SYNPR: variants seen among roughly 807,000 people sequenced by gnomAD.
The protein encoded by SYNPR is synaptoporin.
SYNPR carries 23 observed loss-of-function variants against 32.9 expected under a neutral mutation model. That is an observed-to-expected ratio of 0.70 (90% CI 0.50 to 0.99). The LOEUF (loss-of-function observed/expected upper bound fraction) is 0.99, where lower values mean the gene tolerates loss of function less well. SYNPR is among the 50% of genes least tolerant of loss of function. The pLI, the probability that SYNPR is intolerant of heterozygous loss-of-function variation, is 0.00. For missense variants in SYNPR, 318 were observed against 349.3 expected, an observed-to-expected ratio of 0.91 and a Z score of 0.71; for synonymous variants, 146 against 135.9, an observed-to-expected ratio of 1.07 and a Z score of -0.52.
At chr3:63,222,610 A>G in the SYNPR span, among the ~76,000 whole-genome samples, 55 of 152,028 alleles carry the variant, frequency 3.6e-4, no homozygotes, top group Non-Finnish European at 6.9e-4. Flanking sequence ...TTCGCCTCCC[A>G]GGTTTAAATG....
chr3:63,267,330 G>A (rs2086498588), exon 3 of SYNPR: 1 of 152,162 alleles, frequency 6.6e-6, no homozygotes, highest in South Asian at 2.1e-4. Flanking sequence ...CTGCCTTAAA[G>A]GGCTTTCCTG....
chr3:63,559,131 G>A (rs1702641833), intron 4 of SYNPR, among the ~76,000 whole-genome samples: 1 of 147,724 alleles, frequency 6.8e-6, no homozygotes, highest in African/African-American at 2.5e-5. Flanking sequence ...GTAGTGGAGC[G>A]ATCTCGGCTC....
chr3:63,597,636 G>GA lies in SYNPR; in HGVS notation c.409-11483dup, dbSNP rs1347421182. 3.3e-5 allele frequency among the ~76,000 whole-genome samples: 5 copies of GA among 152,016 alleles called. No homozygotes were observed. The South Asian group carries it at 1.0e-3, about 32-fold the overall frequency. On this transcript the variant is annotated intron_variant, in intron 4 of 5. Transcript: ENST00000478300. ...AAACTTCAGAAAACCTGGGCATAAT[G>GA]AAAAAACACTCACTAAACAGGGAAC...
intron 3 of SYNPR, among the ~76,000 whole-genome samples, chr3:63,546,450 T>C (rs1301041760): frequency 6.6e-6 from 1 of 151,450 alleles, no homozygotes; most frequent in East Asian, 1.9e-4. Flanking sequence ...ATAAGTTGGA[T>C]AAACATCTTT....
chr3:63,286,592 G>C (rs2086685362), intron 2 of SYNPR, among the ~76,000 whole-genome samples: 1 of 152,186 alleles, frequency 6.6e-6, no homozygotes, highest in Admixed American at 6.5e-5. Flanking sequence ...TATGGGGACA[G>C]AAGAAAAACA....
At chr3:63,373,862 A>G (rs1317114709) in intron 2 of SYNPR, among the ~76,000 whole-genome samples, 1 of 152,226 alleles carries the variant, frequency 6.6e-6, no homozygotes, top group East Asian at 1.9e-4. Flanking sequence ...AGGGAACCGC[A>G]TCAGGCTAAC....
chr3:63,313,680 C>CATATATATCT (rs1166895185), intron 2 of SYNPR, among the ~76,000 whole-genome samples: 4 of 62,920 alleles, frequency 6.4e-5, no homozygotes, highest in Non-Finnish European at 9.9e-5. Context: ...AATTAATACA[C>CATATATATCT]ATATATATCC....
chr3:63,570,012 T>G (rs978073602), intron 4 of SYNPR, among the ~76,000 whole-genome samples: 4 of 152,198 alleles, frequency 2.6e-5, no homozygotes, highest in Non-Finnish European at 5.9e-5. Flanking sequence ...AGTTAAGCCA[T>G]CTTCCGCAGC....
the SYNPR span, among the ~76,000 whole-genome samples, chr3:63,202,774 T>G: frequency 6.6e-6 from 1 of 152,048 alleles, no homozygotes. Context: ...TTTTAACATG[T>G]TAAAACATGT....
At chr3:63,320,519 A>C (rs2087100441) in intron 2 of SYNPR, among the ~76,000 whole-genome samples, 1 of 152,074 alleles carries the variant, frequency 6.6e-6, no homozygotes, top group Non-Finnish European at 1.5e-5. Context: ...TTGAGATCCA[A>C]GTACTTCTTC....
intron 3 of SYNPR, among the ~76,000 whole-genome samples, chr3:63,529,714 TA>T (rs1216901263): frequency 6.6e-6 from 1 of 152,136 alleles, no homozygotes; most frequent in African/African-American, 2.4e-5. Flanking sequence ...AAGAATTAAG[TA>T]AAGATTTAAA....
intron 2 of SYNPR, among the ~76,000 whole-genome samples, chr3:63,414,606 T>C (rs145344031): frequency 6.6e-6 from 1 of 152,328 alleles, no homozygotes; most frequent in East Asian, 1.9e-4. Context: ...AACAAAAAGA[T>C]AGGGAATTTT....
chr3:63,594,176 A>G (rs112764664), intron 4 of SYNPR, among the ~76,000 whole-genome samples: 141 of 152,260 alleles, frequency 9.3e-4, no homozygotes, highest in Non-Finnish European at 1.6e-3. Flanking sequence ...TACCTTACAT[A>G]TGGTAGACCT....
At chr3:63,467,435 A>G (rs1047683613) in intron 2 of SYNPR, among the ~76,000 whole-genome samples, 1 of 152,226 alleles carries the variant, frequency 6.6e-6, no homozygotes, top group African/African-American at 2.4e-5. Flanking sequence ...CTTTTGGTAT[A>G]GTTATAAACT....
chr3:63,201,718 T>G, the SYNPR span, among the ~76,000 whole-genome samples: 2 of 121,816 alleles, frequency 1.6e-5, no homozygotes, highest in Non-Finnish European at 3.9e-5. Context: ...TGTTTTGTTA[T>G]TTAAAAGAAA....
intron 2 of SYNPR, among the ~76,000 whole-genome samples, chr3:63,378,462 A>G (rs905065407): frequency 7.9e-5 from 12 of 152,046 alleles, no homozygotes; most frequent in African/African-American, 2.7e-4. Flanking sequence ...TCAGTTGAAC[A>G]TACTTGCTTT....
At chr3:63,490,824 G>T (rs1288272087) in intron 3 of SYNPR, among the ~76,000 whole-genome samples, 2 of 152,096 alleles carry the variant, frequency 1.3e-5, no homozygotes, top group Non-Finnish European at 2.9e-5. Flanking sequence ...GAGCAGTGGT[G>T]CAATCTCAGC....
chr3:63,591,684 T>C (rs1699829749), intron 4 of SYNPR, among the ~76,000 whole-genome samples: 1 of 134,210 alleles, frequency 7.5e-6, no homozygotes, highest in African/African-American at 2.8e-5. Context: ...GAAACCATCA[T>C]TCTCAGTAAA....
At chr3:63,469,955 A>T (rs1700765342) in intron 2 of SYNPR, among the ~76,000 whole-genome samples, 1 of 152,332 alleles carries the variant, frequency 6.6e-6, no homozygotes, top group Admixed American at 6.5e-5. Context: ...ATCTAATGAC[A>T]GTTCTGAATT....
Sources: allele counts gnomAD v4.1 joint callset (sites outside exome capture counted in the v4.1 genomes callset), GRCh38; gene constraint gnomAD v4.1.1; transcripts MANE v1.5; gene names NCBI Gene and HGNC (gene_info 2026-07-23, HGNC 2026-07-21).